MARCHF6: variants seen among roughly 807,000 people sequenced by gnomAD.
MARCHF6 encodes the protein membrane associated ring-CH-type finger 6, also known as E3 ubiquitin-protein ligase MARCHF6.
A neutral mutation model predicts 133.7 loss-of-function variants in MARCHF6; 31 were observed. That is an observed-to-expected ratio of 0.23 (90% confidence interval 0.17 to 0.31). MARCHF6 has a LOEUF of 0.31. Among genes scored for constraint, MARCHF6 ranks in the 10% least tolerant of loss-of-function variants. The pLI is 1.00. For synonymous variants in MARCHF6, 395 were observed against 402.5 expected (o/e 0.98, Z 0.22); for missense variants, 723 against 1,121.6 (o/e 0.64, Z 5.08).
intron 4 of MARCHF6, among the ~76,000 whole-genome samples, chr5:10,382,468 CAA>C (rs550904656): frequency 8.4e-4 from 62 of 74,170 alleles, no homozygotes; most frequent in Admixed American, 1.1e-3. Context: ...CTTTGTCTCG[CAA>C]AAAAAAAAAA....
At chr5:10,379,763 C>CT (rs1205973826) in intron 3 of MARCHF6, among the ~76,000 whole-genome samples, 3 of 151,844 alleles carry the variant, frequency 2.0e-5, no homozygotes, top group Admixed American at 6.6e-5. Context: ...GCCCAGCAAG[C>CT]TTTTTTTAAA....
chr5:10,423,786 A>G lies in MARCHF6; in HGVS notation c.2335A>G (p.Met779Val), dbSNP rs752053056. ...CAAAATCATTGCAGCTATAACATTG[A>G]TGGGTCCTCAGTGGTGGTTGAAAAC... ...HAKIIAAITL[M>V]GPQWWLKTVI... The change falls in exon 23 of 26, where the codon ATG (methionine) becomes GTG (valine). Residue 779 changes from methionine to valine, a missense_variant. Met to Val is a conservative substitution (Grantham distance 21, BLOSUM62 1). Coordinates refer to ENST00000274140, the MANE Select transcript of MARCHF6 (RefSeq NM_005885.4). The G allele has an allele frequency of 6.2e-7, 1 of 1,613,732 alleles. No homozygotes were observed. Among genetic ancestry groups the G allele is most frequent in the Non-Finnish European group, 8.5e-7 (1 of 1,179,804 alleles).
At chr5:10,370,065 C>T (rs923574570) in intron 1 of MARCHF6, among the ~76,000 whole-genome samples, 1 of 127,124 alleles carries the variant, frequency 7.9e-6, no homozygotes, top group Non-Finnish European at 1.7e-5. Context: ...TTTGCCCTTT[C>T]AATAGGTATG....
intron 19 of MARCHF6, 112 bp downstream of exon 19, chr5:10,411,649 TC>T: frequency 1.4e-6 from 1 of 729,126 alleles, no homozygotes; most frequent in Non-Finnish European, 2.1e-6. Flanking sequence ...GTAGACATGT[TC>T]CACATTTTAT....
intron 19 of MARCHF6, among the ~76,000 whole-genome samples, chr5:10,413,605 G>T (rs942828803): frequency 2.0e-5 from 3 of 152,222 alleles, no homozygotes; most frequent in African/African-American, 7.2e-5. Context: ...AAAGGAACGA[G>T]GTTTAATTGA....
chr5:10,356,672 G>A (rs1735495893), intron 1 of MARCHF6, among the ~76,000 whole-genome samples: 3 of 152,140 alleles, frequency 2.0e-5, no homozygotes, highest in South Asian at 2.1e-4. Flanking sequence ...CTGGGATTAC[G>A]AGCGTGAGCT....
At position 10,411,502 on chromosome 5, in the gene MARCHF6, C is replaced by G; in HGVS notation, c.1861C>G (p.Gln621Glu). Residue 621 changes from glutamine (Q) to glutamate (E), a missense_variant, in exon 19 of 26, where the codon CAG becomes GAG. Transcript: ENST00000274140. Reference sequence around the variant, plus strand: ...CCAGCAGGGAGGGCCTGTTGGCTTTCAGCCTTACCGCCGACCTTTAAATTT... The same window carrying G: ...CCAGCAGGGAGGGCCTGTTGGCTTTGAGCCTTACCGCCGACCTTTAAATTT... ...ILQQGGPVGF[Q>E]PYRRPLNFPL... 1.2e-6 allele frequency: 2 copies of G among 1,614,204 alleles called. No homozygotes were observed. The highest frequency in any genetic ancestry group is 1.3e-5 in the African/African-American group (1 of 75,068).
chr5:10,368,415 T>C (rs1172115579), intron 1 of MARCHF6, among the ~76,000 whole-genome samples: 2 of 152,086 alleles, frequency 1.3e-5, no homozygotes, highest in African/African-American at 4.8e-5. Flanking sequence ...AGAGGATTGC[T>C]TGAGCCCAGG....
intron 21 of MARCHF6, among the ~76,000 whole-genome samples, chr5:10,416,929 C>T (rs906446398): frequency 1.3e-4 from 20 of 152,184 alleles, no homozygotes; most frequent in African/African-American, 4.6e-4. Context: ...GTGCAGAGCC[C>T]TCCCTGTATA....
chr5:10,417,717 CAAAAAAA>C (rs748194332), intron 22 of MARCHF6, among the ~76,000 whole-genome samples: 92 of 52,524 alleles, frequency 1.8e-3, no homozygotes, highest in African/African-American at 6.8e-3. Context: ...AGCCTCTGTC[CAAAAAAA>C]AAAAAAAAAA....
chr5:10,380,251 A>T (rs963980754), intron 3 of MARCHF6, among the ~76,000 whole-genome samples: 3 of 150,362 alleles, frequency 2.0e-5, no homozygotes, highest in African/African-American at 7.4e-5. Context: ...CTTTGTTTTT[A>T]TTTGATGAGT....
At chr5:10,382,266 C>T (rs183743713) in intron 4 of MARCHF6, among the ~76,000 whole-genome samples, 17 of 152,136 alleles carry the variant, frequency 1.1e-4, no homozygotes, top group African/African-American at 3.1e-4. Flanking sequence ...AAAAGACGGC[C>T]GGGCGCGGTG....
chr5:10,364,366 C>G (rs1215890475), intron 1 of MARCHF6, among the ~76,000 whole-genome samples: 1 of 152,060 alleles, frequency 6.6e-6, no homozygotes, highest in Non-Finnish European at 1.5e-5. Flanking sequence ...CTGTGCAAGT[C>G]CTGGAGTGTG....
At position 10,434,080 on chromosome 5, in the gene MARCHF6, T is replaced by C. The variant is rs760871570; in HGVS notation, c.*396T>C. On this transcript the variant is annotated 3_prime_UTR_variant, in exon 26 of 26. Transcript: ENST00000274140. Reference sequence around the variant, plus strand: ...GGCAAGACTTTTCAGTGACGCCTTGTGGAACGCAGTTCATGATGTCCTAGC... The same window carrying C: ...GGCAAGACTTTTCAGTGACGCCTTGCGGAACGCAGTTCATGATGTCCTAGC... The C allele has an allele frequency of 5.4e-5, 10 of 184,388 alleles. No individual in the cohort carries two copies. The highest frequency in any genetic ancestry group is 1.1e-4 in the Non-Finnish European group (10 of 87,214). The allele number at this position is 184,388 out of a possible 1,614,324, so 11.4% of individuals were successfully genotyped here. A position where few individuals can be genotyped will look rare whatever the true frequency, so the allele number is the denominator to read the frequency against.
intron 1 of MARCHF6, among the ~76,000 whole-genome samples, chr5:10,376,287 G>A (rs1468900067): frequency 6.6e-6 from 1 of 151,674 alleles, no homozygotes; most frequent in African/African-American, 2.4e-5. Context: ...CAGAAGGAAC[G>A]AACAACTCCA....
At chr5:10,369,342 A>T (rs1356000432) in intron 1 of MARCHF6, among the ~76,000 whole-genome samples, 2 of 152,172 alleles carry the variant, frequency 1.3e-5, no homozygotes, top group African/African-American at 4.8e-5. Context: ...ACGTGTGCTC[A>T]TTGGGTGTAC....
At position 10,381,841 on chromosome 5, in the gene MARCHF6, A is replaced by G. The variant is rs947682914; in HGVS notation, c.232A>G (p.Ile78Val). 7 of 1,611,462 alleles carry G rather than the reference A, an allele frequency of 4.3e-6. No individual in the cohort carries two copies. Among genetic ancestry groups the G allele is most frequent in the Middle Eastern group, 1.6e-4 (1 of 6,072 alleles). ...DMPSRLPIQD[I>V]FAGLVTSIGT... is the part of the protein sequence containing the mutation. ...GCCTTCACGGCTTCCAATTCAAGAC[A>G]TATTTGCTGGACTGGTTACAAGTAT... Residue 78 changes from isoleucine (I) to valine (V), a missense_variant, in exon 4 of 26, where the codon ATA (isoleucine) becomes GTA (valine). Ile to Val is a conservative substitution (Grantham distance 29). Around this residue, in one of 4 missense-constraint regions of MARCHF6, gnomAD observed 91 missense variants for 208.8 expected, o/e 0.44. Coordinates refer to ENST00000274140, the MANE Select transcript of MARCHF6 (RefSeq NM_005885.4).
At chr5:10,427,306 C>T (rs1311234487) in intron 24 of MARCHF6, among the ~76,000 whole-genome samples, 1 of 152,244 alleles carries the variant, frequency 6.6e-6, no homozygotes, top group Non-Finnish European at 1.5e-5. Flanking sequence ...CTAATTCCTT[C>T]TCCACACTGG....
chr5:10,379,359 C>T (rs148738896), intron 3 of MARCHF6, among the ~76,000 whole-genome samples: 1,665 of 152,012 alleles, frequency 0.011, 31 homozygotes, highest in African/African-American at 0.038. Context: ...GAAAAATAAA[C>T]AATGATGCCT....
Sources: gnomAD v4.1 joint callset for allele counts (sites outside exome capture counted in the v4.1 genomes callset) on GRCh38, gnomAD v4.1.1 for gene constraint, gnomAD v4.1.1 regional missense constraint, MANE v1.5 for transcripts, NCBI Gene and HGNC (gene_info 2026-07-23, HGNC 2026-07-21) for gene names.